AFG2B: variants seen among roughly 807,000 people sequenced by gnomAD.
AFG2B encodes the protein ATPase family gene 2 protein homolog B.
the AFG2B span, among the ~76,000 whole-genome samples, chr15:45,413,828 T>C: frequency 1.3e-5 from 2 of 152,216 alleles, no homozygotes; most frequent in Non-Finnish European, 2.9e-5. Context: ...TCATTAGCAG[T>C]AAGACCTAGG....
At chr15:45,421,105 T>G in the AFG2B span, 1 of 1,613,768 alleles carries the variant, frequency 6.2e-7, no homozygotes. Context: ...AAGAGCACTT[T>G]CTAAAATCAC....
chr15:45,410,523 T>TA, the AFG2B span: 1 of 1,606,170 alleles, frequency 6.2e-7, no homozygotes, highest in Non-Finnish European at 8.5e-7. Flanking sequence ...AAACTGAAGT[T>TA]AAAACAGGTA....
At chr15:45,403,677 T>C in the AFG2B span, among the ~76,000 whole-genome samples, 7 of 152,294 alleles carry the variant, frequency 4.6e-5, no homozygotes, top group Admixed American at 4.6e-4. Flanking sequence ...TGCCGATATA[T>C]GATCTGTGAG....
chr15:45,403,074 C>A, the AFG2B span: 1 of 1,532,480 alleles, frequency 6.5e-7, no homozygotes, highest in Non-Finnish European at 8.7e-7. Flanking sequence ...TGCGGGAGCT[C>A]CTCCGCCTCC....
chr15:45,410,066 A>G, the AFG2B span, among the ~76,000 whole-genome samples: 6 of 152,348 alleles, frequency 3.9e-5, no homozygotes, highest in Admixed American at 6.5e-5. Context: ...GATAGGTGAA[A>G]GAAGAAAAGT....
chr15:45,417,519 T>TCA, the AFG2B span: 1 of 943,914 alleles, frequency 1.1e-6, no homozygotes, highest in Non-Finnish European at 1.5e-6. Context: ...TGGTGGCCTT[T>TCA]CATGACATCA....
At chr15:45,415,657 C>T in the AFG2B span, 957 of 1,614,090 alleles carry the variant, frequency 5.9e-4, 4 homozygotes, top group African/African-American at 0.012. Context: ...ATCTTGGGAG[C>T]TCGCTCAGCC....
chr15:45,414,536 A>G, the AFG2B span: 2 of 1,585,842 alleles, frequency 1.3e-6, no homozygotes, highest in South Asian at 1.1e-5. Context: ...TTATTATTAT[A>G]CTAAAACAAC....
the AFG2B span, chr15:45,403,444 G>A: frequency 6.2e-7 from 1 of 1,609,312 alleles, no homozygotes; most frequent in Non-Finnish European, 8.5e-7. Flanking sequence ...CCGCGAGGTC[G>A]TGGTTGTGGG....
At chr15:45,410,427 T>C in the AFG2B span, 104 of 1,613,848 alleles carry the variant, frequency 6.4e-5, no homozygotes, top group Non-Finnish European at 8.1e-5. Context: ...TTTAAAAATA[T>C]TCAGCCCTCA....
At chr15:45,405,332 A>G in the AFG2B span, 5 of 1,613,778 alleles carry the variant, frequency 3.1e-6, no homozygotes, top group Non-Finnish European at 3.4e-6. Flanking sequence ...GGTCATTGGG[A>G]CTCCCACACT....
At chr15:45,406,308 G>T in the AFG2B span, among the ~76,000 whole-genome samples, 1 of 152,184 alleles carries the variant, frequency 6.6e-6, no homozygotes, top group East Asian at 1.9e-4. Flanking sequence ...CATTGCATCT[G>T]TTAGGCAGCA....
chr15:45,404,834 AT>A, the AFG2B span, among the ~76,000 whole-genome samples: 22 of 150,470 alleles, frequency 1.5e-4, no homozygotes, highest in African/African-American at 5.1e-4. Flanking sequence ...GAAAAAAAAA[AT>A]ATATATATGT....
the AFG2B span, chr15:45,405,301 TG>T: frequency 2.5e-6 from 4 of 1,601,990 alleles, no homozygotes; most frequent in African/African-American, 2.7e-5. Context: ...TTCTTTTTTT[TG>T]TTTTGCTTTG....
At chr15:45,402,478 C>A in the AFG2B span, 1 of 1,610,200 alleles carries the variant, frequency 6.2e-7, no homozygotes, top group Non-Finnish European at 8.5e-7. Flanking sequence ...CTTAAAGCTG[C>A]TACCCTTAGA....
At chr15:45,418,421 G>T in the AFG2B span, 7 of 611,452 alleles carry the variant, frequency 1.1e-5, no homozygotes, top group Admixed American at 3.9e-5. Flanking sequence ...AGCCATTGAT[G>T]ACTTAGTCTT....
chr15:45,403,228 G>A, the AFG2B span: 11 of 1,519,814 alleles, frequency 7.2e-6, no homozygotes, highest in East Asian at 2.0e-4. Flanking sequence ...GGCAGTCAGC[G>A]CCCCGGCGCT....
chr15:45,417,957 A>G, the AFG2B span, among the ~76,000 whole-genome samples: 1 of 152,154 alleles, frequency 6.6e-6, no homozygotes, highest in African/African-American at 2.4e-5. Context: ...GGGATAGAAA[A>G]ATAAAATTTA....
chr15:45,402,524 G>A, the AFG2B span: 37 of 1,601,374 alleles, frequency 2.3e-5, no homozygotes, highest in Non-Finnish European at 3.1e-5. Flanking sequence ...TGCCGCCTGG[G>A]CCCGGCCGCC....
Sources: allele counts gnomAD v4.1 joint callset (sites outside exome capture counted in the v4.1 genomes callset), GRCh38; gene constraint gnomAD v4.1.1; transcripts MANE v1.5; gene names NCBI Gene and HGNC (gene_info 2026-07-23, HGNC 2026-07-21).